ROBO1: variants seen among roughly 807,000 people sequenced by gnomAD.
The protein encoded by ROBO1 is roundabout homolog 1.
ROBO1 carries 149 observed loss-of-function variants against 195.9 expected under a neutral mutation model. The ratio of observed to expected loss-of-function variants is 0.76; its 90% CI spans 0.67 to 0.87. ROBO1 has a LOEUF of 0.87. Among genes scored for constraint, ROBO1 ranks in the 40% least tolerant of loss-of-function variants. The pLI is 0.00. For synonymous variants in ROBO1, 816 were observed against 733.2 expected (o/e 1.11, Z -1.82); for missense variants, 1,933 against 2,068.3 (o/e 0.93, Z 1.27).
intron 4 of ROBO1, among the ~76,000 whole-genome samples, chr3:78,865,895 A>T (rs1333977050): frequency 6.6e-6 from 1 of 152,218 alleles, no homozygotes; most frequent in African/African-American, 2.4e-5. Flanking sequence ...TTGACAAACC[A>T]ACATTCCAAT....
At chr3:78,728,253 T>C (rs990207796) in intron 5 of ROBO1, among the ~76,000 whole-genome samples, 8 of 152,120 alleles carry the variant, frequency 5.3e-5, no homozygotes, top group Non-Finnish European at 7.3e-5. Context: ...TTTTAATTAT[T>C]TCCCACTCGA....
intron 1 of ROBO1, among the ~76,000 whole-genome samples, chr3:79,725,128 A>G (rs1702857250): frequency 6.6e-6 from 1 of 151,998 alleles, no homozygotes; most frequent in Non-Finnish European, 1.5e-5. Flanking sequence ...AGACTTTGCC[A>G]ATGATACCTG....
At chr3:78,614,532 T>C (rs1429079248) in intron 28 of ROBO1, 116 bp downstream of exon 28, 4 of 1,151,192 alleles carry the variant, frequency 3.5e-6, no homozygotes, top group African/African-American at 3.1e-5. Context: ...ATGAAGCTGA[T>C]TGTTAATAAA....
intron 3 of ROBO1, among the ~76,000 whole-genome samples, chr3:79,107,923 T>C (rs970606622): frequency 6.6e-5 from 10 of 151,750 alleles, no homozygotes; most frequent in African/African-American, 2.4e-4. Context: ...TTAGTTGCAG[T>C]AGAATACAGA....
chr3:79,318,232 A>G (rs1374970555), intron 2 of ROBO1, among the ~76,000 whole-genome samples: 1 of 152,180 alleles, frequency 6.6e-6, no homozygotes, highest in African/African-American at 2.4e-5. Flanking sequence ...GAAACACCCA[A>G]AATAATATTT....
chr3:78,899,197 G>A (rs768980800), intron 4 of ROBO1, among the ~76,000 whole-genome samples: 1 of 152,146 alleles, frequency 6.6e-6, no homozygotes, highest in African/African-American at 2.4e-5. Flanking sequence ...AGCAATTAGA[G>A]GCTGAGGGAC....
intron 8 of ROBO1, among the ~76,000 whole-genome samples, chr3:78,706,863 T>C (rs918386577): frequency 6.6e-6 from 1 of 151,906 alleles, no homozygotes; most frequent in Non-Finnish European, 1.5e-5. Flanking sequence ...TATGGGAAAA[T>C]GGGAACATGA....
chr3:79,602,826 C>T (rs1944376232), intron 1 of ROBO1, among the ~76,000 whole-genome samples: 1 of 152,024 alleles, frequency 6.6e-6, no homozygotes, highest in South Asian at 2.1e-4. Context: ...TGTAGAAATT[C>T]CAGGCAGTTT....
chr3:79,400,068 T>G (rs1052093976), intron 2 of ROBO1, among the ~76,000 whole-genome samples: 4 of 152,142 alleles, frequency 2.6e-5, no homozygotes, highest in African/African-American at 7.2e-5. Flanking sequence ...TGATCAGTCC[T>G]CTGAATTATG....
intron 4 of ROBO1, among the ~76,000 whole-genome samples, chr3:78,818,334 G>A (rs1195174136): frequency 6.6e-6 from 1 of 152,134 alleles, no homozygotes; most frequent in South Asian, 2.1e-4. Context: ...GGCTGACCCA[G>A]GTTCCTAAAG....
intron 3 of ROBO1, among the ~76,000 whole-genome samples, chr3:79,122,140 T>G (rs2080129114): frequency 6.6e-6 from 1 of 152,092 alleles, no homozygotes; most frequent in African/African-American, 2.4e-5. Context: ...CAGACTCTTT[T>G]GGATGTATGT....
intron 4 of ROBO1, among the ~76,000 whole-genome samples, chr3:78,786,450 T>C (rs1461613748): frequency 6.6e-6 from 1 of 152,204 alleles, no homozygotes; most frequent in Non-Finnish European, 1.5e-5. Flanking sequence ...ATTATTATTT[T>C]ATTTAATCCT....
chr3:79,625,047 A>G (rs1296661826), intron 1 of ROBO1, among the ~76,000 whole-genome samples: 1 of 152,148 alleles, frequency 6.6e-6, no homozygotes, highest in Non-Finnish European at 1.5e-5. Flanking sequence ...TAAGAAACTC[A>G]CTTGAAACCA....
chr3:78,903,688 C>T (rs775138780), intron 4 of ROBO1, among the ~76,000 whole-genome samples: 2 of 152,066 alleles, frequency 1.3e-5, no homozygotes, highest in Non-Finnish European at 2.9e-5. Context: ...TTCGACAGTT[C>T]ATTTTCTCAA....
chr3:79,133,401 C>T (rs1313188672), intron 2 of ROBO1, among the ~76,000 whole-genome samples: 24 of 127,774 alleles, frequency 1.9e-4, no homozygotes, highest in African/African-American at 5.7e-4. Context: ...TCTTTTTTCT[C>T]TAAACTTCTC....
intron 2 of ROBO1, among the ~76,000 whole-genome samples, chr3:79,181,289 TA>T (rs1489937960): frequency 6.6e-6 from 1 of 152,212 alleles, no homozygotes; most frequent in East Asian, 1.9e-4. Context: ...GTAAGCTACC[TA>T]ATCACAGAGC....
intron 2 of ROBO1, among the ~76,000 whole-genome samples, chr3:79,256,829 T>C (rs1211879555): frequency 6.6e-6 from 1 of 152,132 alleles, no homozygotes; most frequent in Non-Finnish European, 1.5e-5. Context: ...ACAGGTTATT[T>C]TGGTGTAGGA....
At chr3:79,420,870 C>T (rs2038195320) in intron 2 of ROBO1, among the ~76,000 whole-genome samples, 1 of 152,070 alleles carries the variant, frequency 6.6e-6, no homozygotes, top group Non-Finnish European at 1.5e-5. Flanking sequence ...AATCTCATCA[C>T]TGAGTATAGA....
At chr3:78,991,027 TCCAA>T (rs1030526699) in intron 3 of ROBO1, among the ~76,000 whole-genome samples, 3 of 152,200 alleles carry the variant, frequency 2.0e-5, no homozygotes, top group Non-Finnish European at 4.4e-5. Flanking sequence ...AGCACTGTAT[TCCAA>T]CCAACCATGT....
Sources: allele counts gnomAD v4.1 joint callset (sites outside exome capture counted in the v4.1 genomes callset), GRCh38; gene constraint gnomAD v4.1.1; transcripts MANE v1.5; gene names NCBI Gene and HGNC (gene_info 2026-07-23, HGNC 2026-07-21).